Variants in ROS1 observed in about 807,000 individuals in gnomAD.
The protein encoded by ROS1 is proto-oncogene tyrosine-protein kinase ROS.
ROS1 carries 263 observed loss-of-function variants against 273.5 expected under a neutral mutation model. That is an observed-to-expected ratio of 0.96 (90% CI 0.87 to 1.06). ROS1 has a LOEUF of 1.06. Ranked by LOEUF, ROS1 falls within the 50% of genes least tolerant of loss-of-function variation. The pLI is 0.00. For synonymous variants in ROS1, 1,008 were observed against 954.1 expected (o/e 1.06, Z -1.04); for missense variants, 2,833 against 2,751.1 (o/e 1.03, Z -0.67).
intron 13 of ROS1, 102 bp downstream of exon 13, chr6:117,389,248 T>C: frequency 2.2e-6 from 3 of 1,352,286 alleles, no homozygotes; most frequent in Non-Finnish European, 3.0e-6. Flanking sequence ...GATGACTGAA[T>C]AGCCAAATGG....
In ROS1 at chr6:117,365,690, G is replaced by T; in HGVS notation, c.2849C>A (p.Ser950Ter). Residue 950 changes from serine to a stop codon, truncating the protein, a stop_gained, in exon 20 of 44, where the codon TCA (serine) becomes TAA (stop). Coordinates refer to ENST00000368507, the MANE Select transcript of ROS1 (RefSeq NM_001378902.1). LOFTEE classifies it high-confidence loss of function. The stretch of plus-strand genomic sequence containing the variant: ...TGAAGCATTTCCTTCAATCCTAAAT[G>T]AAGACTCTTGAACAGAATCTGGAAT... ...KVIPDSVQES[S>*]FRIEGNASSF... 1 of 1,611,368 alleles carries T rather than the reference G, an allele frequency of 6.2e-7. No individual in the cohort carries two copies. The highest frequency in any genetic ancestry group is 8.5e-7 in the Non-Finnish European group (1 of 1,178,636).
rs543045536 is a variant in ROS1, at chr6:117,373,410, C to G, written c.2582+5649G>C. ...GGGGGGACTTGGGCATGGCAGGATG[C>G]AGGTCCCGAGCCTTGCCCCGCAGGG... On this transcript the variant is annotated intron_variant, in intron 18 of 43. Coordinates refer to ENST00000368507, the MANE Select transcript of ROS1 (RefSeq NM_001378902.1). 4.4e-3 allele frequency among the ~76,000 whole-genome samples: 665 copies of G among 152,348 alleles called. 5 individuals carry two copies. Among genetic ancestry groups the G allele is most frequent in the South Asian group, 0.03 (147 of 4,832 alleles).
chr6:117,367,594 T>C (rs939699575), intron 18 of ROS1, among the ~76,000 whole-genome samples: 11 of 152,194 alleles, frequency 7.2e-5, no homozygotes, highest in Admixed American at 4.6e-4. Context: ...CATTTCTGAA[T>C]GAGACTAGGC....
chr6:117,298,113 A>G (rs57479871), intron 43 of ROS1, among the ~76,000 whole-genome samples: 2,402 of 152,250 alleles, frequency 0.016, 121 homozygotes, highest in East Asian at 0.097. Flanking sequence ...AAACAAGACA[A>G]ACACAGAAAG....
Position 117,383,460 on chromosome 6 carries a change from C to G in ROS1, c.2338G>C (p.Val780Leu). 4 of 1,614,082 alleles carry G rather than the reference C, an allele frequency of 2.5e-6. No individual in the cohort carries two copies. The highest frequency in any genetic ancestry group is 2.5e-6 in the Non-Finnish European group (3 of 1,179,952). Residue 780 changes from valine to leucine, a missense_variant, in exon 17 of 44, where the codon GTG becomes CTG. Coordinates refer to ENST00000368507, the MANE Select transcript of ROS1 (RefSeq NM_001378902.1). ...ACCATGTCATTCACCAATAGCTTCA[C>G]GTGGGTAACAATGTCTGTGTGTCCC... is the stretch of plus-strand genomic sequence containing the variant. ...LTGHTDIVTH[V>L]KLLVNDMVVD...
intron 19 of ROS1, 139 bp downstream of exon 19, chr6:117,365,937 C>T: frequency 1.1e-6 from 1 of 870,038 alleles, no homozygotes; most frequent in East Asian, 2.6e-5. Context: ...ATTAAACTCA[C>T]TGCAAGCAAA....
chr6:117,326,090 ATT>A (rs1491491534), intron 34 of ROS1, 132 bp downstream of exon 34: 1 of 117,556 alleles, frequency 8.5e-6, no homozygotes, highest in African/African-American at 7.5e-5. Flanking sequence ...GGATAATAAG[ATT>A]ATATATATAT....
chr6:117,394,663 T>C lies in ROS1; in HGVS notation c.959A>G (p.Asp320Gly). The C allele has an allele frequency of 2.5e-6, 4 of 1,611,698 alleles. No individual in the cohort carries two copies. The highest frequency in any genetic ancestry group is 2.5e-6 in the Non-Finnish European group (3 of 1,178,356). ...LRKRSLKHLV[D>G]EAHCLRLDAI... Reference sequence around the variant, plus strand: ...ATCCAACCGAAGGCAATGTGCTTCATCTACTAAATGTTTTAAAGATCTCTT... The same window carrying C: ...ATCCAACCGAAGGCAATGTGCTTCACCTACTAAATGTTTTAAAGATCTCTT... Residue 320 changes from aspartate (D) to glycine (G), a missense_variant, in exon 10 of 44, where the codon GAT (aspartate) becomes GGT (glycine). Transcript: ENST00000368507.
At chr6:117,406,398 A>G (rs1226420464) in intron 5 of ROS1, among the ~76,000 whole-genome samples, 1 of 152,160 alleles carries the variant, frequency 6.6e-6, no homozygotes, top group African/African-American at 2.4e-5. Flanking sequence ...AGGATCATGG[A>G]TGAAAGGATT....
chr6:117,305,192 A>G (rs1224450257), intron 42 of ROS1, among the ~76,000 whole-genome samples: 1 of 152,164 alleles, frequency 6.6e-6, no homozygotes, highest in Non-Finnish European at 1.5e-5. Flanking sequence ...GGGCCTTGGA[A>G]CATATCTCCC....
intron 27 of ROS1, among the ~76,000 whole-genome samples, chr6:117,351,819 A>G (rs534235967): frequency 6.6e-6 from 1 of 152,324 alleles, no homozygotes; most frequent in African/African-American, 2.4e-5. Flanking sequence ...GCCAGAAACC[A>G]GAAGCCACAT....
intron 25 of ROS1, 102 bp from the exon 26 acceptor site, chr6:117,357,017 C>T (rs1779379538): frequency 1.0e-6 from 1 of 972,814 alleles, no homozygotes; most frequent in East Asian, 2.5e-5. Flanking sequence ...CTGTGAGGGA[C>T]AAATGGAGCC....
Position 117,358,022 on chromosome 6 carries a change from T to G in ROS1, c.3634-13A>C. 6.4e-7 allele frequency: 1 copy of G among 1,573,108 alleles called. No homozygotes were observed. The highest frequency in any genetic ancestry group is 8.7e-7 in the Non-Finnish European group (1 of 1,143,748). The stretch of plus-strand genomic sequence containing the variant: ...AATCTTGGAAAAGCTTAACAACAGG[T>G]AGAGAACACAGCCAAGAAGAGAGTG... On this transcript the variant is annotated splice_polypyrimidine_tract_variant and intron_variant, in intron 24 of 43. Coordinates refer to ENST00000368507, the MANE Select transcript of ROS1 (RefSeq NM_001378902.1).
At chr6:117,401,378 C>T (rs1189010428) in intron 7 of ROS1, among the ~76,000 whole-genome samples, 1 of 152,186 alleles carries the variant, frequency 6.6e-6, no homozygotes, top group African/African-American at 2.4e-5. Context: ...ATCTGTACTC[C>T]TTATCAGGGT....
chr6:117,324,781 A>G (rs1446159373), intron 34 of ROS1, among the ~76,000 whole-genome samples: 1 of 152,160 alleles, frequency 6.6e-6, no homozygotes, highest in Non-Finnish European at 1.5e-5. Context: ...ATCTTCATAC[A>G]TATTTAATTT....
At chr6:117,346,627 A>G (rs1778401235) in intron 27 of ROS1, among the ~76,000 whole-genome samples, 1 of 151,898 alleles carries the variant, frequency 6.6e-6, no homozygotes, top group African/African-American at 2.4e-5. Context: ...AGCAAAATTG[A>G]GAGGAATGTA....
rs1369283694 is a variant in ROS1 at position 117,310,002 on chromosome 6, C to A, written c.6416+79G>T. 4 of 1,268,788 alleles carry A rather than the reference C, an allele frequency of 3.2e-6. No individual in the cohort carries two copies. The African/African-American group carries it at 5.9e-5, about 19-fold the overall frequency. The allele number at this position is 1,268,788 out of a possible 1,614,324, so 78.6% of individuals were successfully genotyped here. Reference sequence around the variant, plus strand: ...CTTCTGTTTTCTCACATTAAAAAAGCAAGATTAGATGTCCTTTTAAAATCC... The same window carrying A: ...CTTCTGTTTTCTCACATTAAAAAAGAAAGATTAGATGTCCTTTTAAAATCC... On this transcript the variant is annotated intron_variant, in intron 41 of 43. Transcript: ENST00000368507.
In ROS1 at chr6:117,379,048, ACT is replaced by A; in HGVS notation, c.2582+9_2582+10del. 1 of 1,536,108 alleles carries A rather than the reference ACT, an allele frequency of 6.5e-7. No homozygotes were observed. Among genetic ancestry groups the A allele is most frequent in the Non-Finnish European group, 8.9e-7 (1 of 1,120,628 alleles). On this transcript the variant is annotated intron_variant, in intron 18 of 43. Transcript: ENST00000368507. ...CTTCTCAATCAATTGCCTTTGAGGG[ACT>A]CTACTTACCTCTGTCCCCGAAGAAC...
At chr6:117,425,267 T>A (rs1465714365) in intron 1 of ROS1, among the ~76,000 whole-genome samples, 2 of 152,142 alleles carry the variant, frequency 1.3e-5, no homozygotes, top group Admixed American at 6.6e-5. Context: ...ATTGGCAAAA[T>A]TGATTCCATT....
Sources: allele counts gnomAD v4.1 joint callset (sites outside exome capture counted in the v4.1 genomes callset), GRCh38; gene constraint gnomAD v4.1.1; transcripts MANE v1.5; gene names NCBI Gene and HGNC (gene_info 2026-07-23, HGNC 2026-07-21).